STPG2: variants seen among roughly 807,000 people sequenced by gnomAD.
STPG2 encodes the protein sperm-tail PG-rich repeat-containing protein 2.
Under a neutral mutation model 54.2 loss-of-function variants are expected in STPG2, and 56 were observed. The ratio of observed to expected loss-of-function variants is 1.03; its 90% CI spans 0.83 to 1.29. The LOEUF (loss-of-function observed/expected upper bound fraction) is 1.29. Ranked by LOEUF, STPG2 falls within the 50% of genes most tolerant of loss-of-function variation. The pLI is 0.00. For synonymous variants in STPG2, 200 were observed against 181.8 expected (o/e 1.10, Z -0.81); for missense variants, 596 against 544.9 (o/e 1.09, Z -0.93).
chr4:97,446,015 T>C (rs1379407361), intron 4 of STPG2, among the ~76,000 whole-genome samples: 1 of 152,228 alleles, frequency 6.6e-6, no homozygotes, highest in African/African-American at 2.4e-5. Context: ...ATTCAGTGTG[T>C]AACCCATAGT....
chr4:97,846,857 T>C (rs1728970730), intron 8 of STPG2, among the ~76,000 whole-genome samples: 2 of 152,152 alleles, frequency 1.3e-5, no homozygotes, highest in Non-Finnish European at 2.9e-5. Flanking sequence ...CTCTTTCAAG[T>C]TATGAAATAA....
intron 5 of STPG2, among the ~76,000 whole-genome samples, chr4:97,991,527 C>T (rs1030907195): frequency 1.3e-5 from 2 of 150,696 alleles, no homozygotes; most frequent in South Asian, 2.1e-4. Context: ...GGGCTCCTTC[C>T]ATACTTTTGC....
intron 2 of STPG2, 108 bp from the exon 3 acceptor site, chr4:98,128,700 A>T: frequency 1.1e-6 from 1 of 892,950 alleles, no homozygotes; most frequent in Non-Finnish European, 1.6e-6. Context: ...TGATTTAATG[A>T]GTTTCATGAT....
chr4:97,597,124 C>T (rs568153443), intron 10 of STPG2, among the ~76,000 whole-genome samples: 15 of 152,110 alleles, frequency 9.9e-5, no homozygotes, highest in Admixed American at 2.6e-4. Flanking sequence ...GAGATTACTA[C>T]GAACACCTCT....
chr4:97,517,122 G>T (rs1210962562), intron 4 of STPG2, among the ~76,000 whole-genome samples: 1 of 151,848 alleles, frequency 6.6e-6, no homozygotes, highest in Non-Finnish European at 1.5e-5. Context: ...TGGCCAGAAT[G>T]GTCTTGAACT....
intron 4 of STPG2, among the ~76,000 whole-genome samples, chr4:97,502,938 C>T (rs1044920088): frequency 1.3e-5 from 2 of 151,812 alleles, no homozygotes; most frequent in Non-Finnish European, 2.9e-5. Flanking sequence ...AATTGAAGCT[C>T]GAAGCCTAGA....
chr4:97,493,428 G>A (rs1182982871), intron 4 of STPG2, among the ~76,000 whole-genome samples: 3 of 151,328 alleles, frequency 2.0e-5, no homozygotes, highest in Non-Finnish European at 3.0e-5. Context: ...ATTGACTTTG[G>A]GAATTGTTAG....
At chr4:98,021,524 C>A (rs547614710) in intron 5 of STPG2, among the ~76,000 whole-genome samples, 3 of 152,128 alleles carry the variant, frequency 2.0e-5, no homozygotes, top group South Asian at 4.2e-4. Flanking sequence ...CTGTAGATGT[C>A]TATTAGGTCT....
At chr4:97,544,373 T>C (rs752845652) in intron 4 of STPG2, among the ~76,000 whole-genome samples, 142 of 152,118 alleles carry the variant, frequency 9.3e-4, no homozygotes, top group Non-Finnish European at 1.6e-3. Flanking sequence ...AAATTTAGGA[T>C]AAATGGATTA....
intron 4 of STPG2, among the ~76,000 whole-genome samples, chr4:97,451,018 C>T (rs952633129): frequency 1.3e-5 from 2 of 152,002 alleles, no homozygotes; most frequent in Non-Finnish European, 2.9e-5. Context: ...AGGGAAGACA[C>T]TATAGACCAA....
intron 5 of STPG2, among the ~76,000 whole-genome samples, chr4:98,046,434 T>A (rs1291932842): frequency 6.6e-6 from 1 of 152,092 alleles, no homozygotes; most frequent in African/African-American, 2.4e-5. Flanking sequence ...AGACTATAAC[T>A]CTCCCAGTCT....
At chr4:97,659,020 C>T (rs1413323973) in intron 10 of STPG2, among the ~76,000 whole-genome samples, 1 of 152,064 alleles carries the variant, frequency 6.6e-6, no homozygotes, top group Non-Finnish European at 1.5e-5. Flanking sequence ...TTAATTAATA[C>T]TAAAAAATCC....
At chr4:97,852,451 C>T (rs1729190002) in intron 8 of STPG2, among the ~76,000 whole-genome samples, 1 of 152,044 alleles carries the variant, frequency 6.6e-6, no homozygotes, top group Non-Finnish European at 1.5e-5. Context: ...TCATTTACAC[C>T]CCTCACCATG....
At chr4:97,606,623 T>C (rs923527449) in intron 10 of STPG2, among the ~76,000 whole-genome samples, 7 of 151,992 alleles carry the variant, frequency 4.6e-5, no homozygotes, top group South Asian at 2.1e-4. Flanking sequence ...AGCATAGCAA[T>C]TTTTGTGAAA....
In STPG2 at chr4:98,033,206, GC is replaced by G. The variant is rs1251527775; in HGVS notation, c.613-51889del. Among the ~76,000 whole-genome samples, 8 of 151,802 alleles carry G rather than the reference GC, an allele frequency of 5.3e-5. No individual in the cohort carries two copies. In the South Asian group the frequency reaches 1.2e-3, roughly 24 times the overall value. On this transcript the variant is annotated intron_variant, in intron 5 of 10. Transcript: ENST00000295268. Reference sequence around the variant, plus strand: ...GATCAACAAAATAGATAGACTGCTAGCCAGATTAATAAAAAAGAAAAGAGAG... The same window carrying G: ...GATCAACAAAATAGATAGACTGCTAGCAGATTAATAAAAAAGAAAAGAGAG...
intron 9 of STPG2, among the ~76,000 whole-genome samples, chr4:97,780,543 A>G (rs1197448151): frequency 1.0e-5 from 1 of 100,098 alleles, no homozygotes; most frequent in Non-Finnish European, 2.0e-5. Context: ...GTTAACAAGG[A>G]TATCCAGGAA....
chr4:97,676,793 T>G (rs1722865684), intron 10 of STPG2, among the ~76,000 whole-genome samples: 1 of 152,188 alleles, frequency 6.6e-6, no homozygotes, highest in Non-Finnish European at 1.5e-5. Context: ...TATGCCTTGA[T>G]AAATTAATTA....
intron 8 of STPG2, among the ~76,000 whole-genome samples, chr4:97,914,590 C>T (rs1387481569): frequency 1.3e-5 from 2 of 152,072 alleles, no homozygotes; most frequent in Non-Finnish European, 2.9e-5. Context: ...AATAACTCTC[C>T]ATTCTCTCCT....
intron 9 of STPG2, among the ~76,000 whole-genome samples, chr4:97,811,810 G>T (rs1159844834): frequency 4.0e-5 from 6 of 151,862 alleles, no homozygotes; most frequent in Non-Finnish European, 7.4e-5. Flanking sequence ...TAGTGAATAA[G>T]CATGCCAGTG....
Sources: allele counts gnomAD v4.1 joint callset (sites outside exome capture counted in the v4.1 genomes callset), GRCh38; gene constraint gnomAD v4.1.1; transcripts MANE v1.5; gene names NCBI Gene and HGNC (gene_info 2026-07-23, HGNC 2026-07-21).